Variants in STPG2 observed in about 807,000 individuals in gnomAD.
STPG2 encodes sperm tail PG-rich repeat containing 2.
In STPG2, 56 loss-of-function variants were observed where a neutral mutation model predicts 54.2. That is an observed-to-expected ratio of 1.03 (90% CI 0.83 to 1.29). The LOEUF (loss-of-function observed/expected upper bound fraction) is 1.29. STPG2 is among the 50% of genes most tolerant of loss of function. The pLI, the probability that STPG2 is intolerant of heterozygous loss-of-function variation, is 0.00. For missense variants in STPG2, 596 were observed against 544.9 expected, an observed-to-expected ratio of 1.09 and a Z score of -0.93; for synonymous variants, 200 against 181.8, an observed-to-expected ratio of 1.10 and a Z score of -0.81.
intron 4 of STPG2, among the ~76,000 whole-genome samples, chr4:97,520,136 A>G (rs146858310): frequency 1.1e-3 from 170 of 152,204 alleles, no homozygotes; most frequent in African/African-American, 3.8e-3. Flanking sequence ...GCCAAGGACA[A>G]TGGAATGGTT....
At chr4:97,992,344 G>A (rs946569657) in intron 5 of STPG2, among the ~76,000 whole-genome samples, 9 of 152,048 alleles carry the variant, frequency 5.9e-5, no homozygotes, top group Non-Finnish European at 1.3e-4. Flanking sequence ...AGCACCATTT[G>A]TTGAATAGGG....
intron 5 of STPG2, among the ~76,000 whole-genome samples, chr4:98,021,953 G>A (rs2149291986): frequency 6.6e-6 from 1 of 151,890 alleles, no homozygotes; most frequent in Middle Eastern, 3.4e-3. Context: ...CACACTGATG[G>A]GTCTTGACTC....
At chr4:97,607,358 G>A (rs1481727249) in intron 10 of STPG2, among the ~76,000 whole-genome samples, 2 of 151,898 alleles carry the variant, frequency 1.3e-5, no homozygotes, top group East Asian at 3.9e-4. Flanking sequence ...ATCTTCCTGG[G>A]ACCATCTTGT....
chr4:97,561,207 G>A (rs931898391), intron 10 of STPG2, among the ~76,000 whole-genome samples: 1 of 152,102 alleles, frequency 6.6e-6, no homozygotes, highest in Non-Finnish European at 1.5e-5. Flanking sequence ...GCCAGTGATG[G>A]TGAGCATTTT....
chr4:97,735,029 C>T (rs1011082832), intron 9 of STPG2, among the ~76,000 whole-genome samples: 11 of 149,306 alleles, frequency 7.4e-5, no homozygotes, highest in South Asian at 2.1e-4. Flanking sequence ...GTTGAGATGG[C>T]GTCACTGCAC....
At chr4:97,730,361 C>T (rs1724758923) in intron 9 of STPG2, among the ~76,000 whole-genome samples, 1 of 152,160 alleles carries the variant, frequency 6.6e-6, no homozygotes, top group Non-Finnish European at 1.5e-5. Flanking sequence ...GTGTAGTATG[C>T]CATGGTATAT....
chr4:97,954,525 CA>C (rs928463746), intron 7 of STPG2, among the ~76,000 whole-genome samples: 3 of 151,940 alleles, frequency 2.0e-5, no homozygotes, highest in African/African-American at 2.4e-5. Context: ...AAATCTAAGC[CA>C]AAAAACTGAA....
intron 8 of STPG2, among the ~76,000 whole-genome samples, chr4:97,896,791 CAAA>C (rs559788179): frequency 4.0e-5 from 6 of 151,444 alleles, no homozygotes; most frequent in Admixed American, 6.6e-5. Flanking sequence ...AGAAAAACTA[CAAA>C]AAAAGATATT....
intron 5 of STPG2, among the ~76,000 whole-genome samples, chr4:98,105,403 C>T (rs934373555): frequency 1.3e-5 from 2 of 152,116 alleles, no homozygotes; most frequent in Non-Finnish European, 2.9e-5. Context: ...TCCTTGATTC[C>T]TCAGAGCGGC....
chr4:97,482,515 AAAT>A (rs1291586363), intron 4 of STPG2, among the ~76,000 whole-genome samples: 4 of 151,636 alleles, frequency 2.6e-5, no homozygotes, highest in African/African-American at 9.7e-5. Context: ...GACAAAGAAA[AAAT>A]AATAAGAAAA....
chr4:97,742,547 G>A lies in STPG2; in HGVS notation c.1205-29733C>T, dbSNP rs1242678244. Among the ~76,000 whole-genome samples the A allele has an allele frequency of 1.4e-3, 196 of 143,080 alleles. 3 individuals carry two copies. The highest frequency in any genetic ancestry group is 4.6e-3 in the African/African-American group (179 of 39,150). 93.9% of individuals were successfully genotyped at this position (143,080 alleles called of 152,430 possible). On this transcript the variant is annotated intron_variant, in intron 9 of 10. Transcript: ENST00000295268. Reference sequence around the variant, plus strand: ...TGTGTGTGTGTGTGTGTGTGTGTGTGTGTGTGTGTGTGTGTGTGTCTATAT... The same window carrying A: ...TGTGTGTGTGTGTGTGTGTGTGTGTATGTGTGTGTGTGTGTGTGTCTATAT...
At chr4:97,793,370 TACACAC>T (rs3046530) in intron 9 of STPG2, among the ~76,000 whole-genome samples, 23,384 of 147,870 alleles carry the variant, frequency 0.16, 1,935 homozygotes, top group East Asian at 0.27. Context: ...GTTTTATATA[TACACAC>T]ACACACACAC....
At chr4:97,731,483 A>G (rs1578514614) in intron 9 of STPG2, among the ~76,000 whole-genome samples, 3 of 152,242 alleles carry the variant, frequency 2.0e-5, no homozygotes, top group Middle Eastern at 6.8e-3. Context: ...TGGGAAGCCT[A>G]GAGAGGAAGG....
intron 9 of STPG2, among the ~76,000 whole-genome samples, chr4:97,824,229 G>A (rs147710018): frequency 1.9e-3 from 294 of 152,042 alleles, no homozygotes; most frequent in African/African-American, 7.0e-3. Context: ...TCTTTCTCTG[G>A]CCTCCCTGAG....
intron 9 of STPG2, among the ~76,000 whole-genome samples, chr4:97,812,216 C>G (rs1727761870): frequency 1.3e-5 from 2 of 151,962 alleles, no homozygotes; most frequent in South Asian, 4.1e-4. Context: ...TACTTTTTTA[C>G]TTTCTTACAT....
At position 97,951,799 on chromosome 4, in the gene STPG2, C is replaced by T. The variant is rs73832113; in HGVS notation, c.934-7792G>A. ...GTATTTTATTTACTGGGTTGAACAA[C>T]TCAGGCTTCAGGCTAGTAGGATAGG... is the stretch of plus-strand genomic sequence containing the variant. On this transcript the variant is annotated intron_variant, in intron 7 of 10. Coordinates refer to ENST00000295268, the MANE Select transcript of STPG2 (RefSeq NM_174952.3). Among the ~76,000 whole-genome samples the T allele has an allele frequency of 6.0e-3, 909 of 152,192 alleles. 9 individuals carry two copies. Among genetic ancestry groups the T allele is most frequent in the African/African-American group, 0.021 (858 of 41,524 alleles).
At chr4:97,874,121 AG>A (rs1282690945) in intron 8 of STPG2, among the ~76,000 whole-genome samples, 4 of 151,672 alleles carry the variant, frequency 2.6e-5, no homozygotes, top group Non-Finnish European at 1.5e-5. Context: ...AGATATCAAA[AG>A]TAAATTTTAT....
intron 10 of STPG2, among the ~76,000 whole-genome samples, chr4:97,688,163 T>C (rs1723256386): frequency 6.6e-6 from 1 of 152,120 alleles, no homozygotes; most frequent in Admixed American, 6.6e-5. Flanking sequence ...GAAAATCTGC[T>C]TTTTTTAATG....
Position 97,581,123 on chromosome 4 carries a change from T to C in STPG2, c.1321-22006A>G, listed in dbSNP as rs148721525. On this transcript the variant is annotated intron_variant, in intron 10 of 10. Transcript: ENST00000295268. ...CTAGCCATTTGTGGCTATTTCCATT[T>C]CAATGAATTAATATTAAAATAAATT... is the stretch of plus-strand genomic sequence containing the variant. Among the ~76,000 whole-genome samples, 630 of 152,230 alleles carry C rather than the reference T, an allele frequency of 4.1e-3. 3 individuals are homozygous for C. Among genetic ancestry groups the C allele is most frequent in the South Asian group, 0.02 (98 of 4,828 alleles).
Sources: gnomAD v4.1 joint callset for allele counts (sites outside exome capture counted in the v4.1 genomes callset) on GRCh38, gnomAD v4.1.1 for gene constraint, MANE v1.5 for transcripts, NCBI Gene and HGNC (gene_info 2026-07-23, HGNC 2026-07-21) for gene names.